Variants in COL8A1 observed in about 807,000 individuals in gnomAD.
COL8A1 encodes collagen type VIII alpha 1 chain.
Under a neutral mutation model 42.7 loss-of-function variants are expected in COL8A1, and 21 were observed. The ratio of observed to expected loss-of-function variants is 0.49; its 90% CI spans 0.35 to 0.71. COL8A1 has a LOEUF of 0.71. COL8A1 is among the 30% of genes least tolerant of loss of function. The probability of loss-of-function intolerance (pLI) is 0.01; values close to 1 mark genes in which losing one functional copy is unlikely to be tolerated. For synonymous variants in COL8A1, 367 were observed against 369.1 expected (o/e 0.99, Z 0.06); for missense variants, 788 against 962.4 (o/e 0.82, Z 2.40).
In COL8A1 at chr3:99,794,536, G is replaced by T; in HGVS notation, c.635G>T (p.Gly212Val). Residue 212 changes from glycine to valine, a missense_variant, in exon 4 of 4, where the codon GGG becomes GTG. Physicochemically the swap from Gly to Val is moderately radical, Grantham distance 109. Transcript: ENST00000652472. This position sits in a 1 kb window ranked among gnomAD's most constrained non-coding sequence, Gnocchi z 4.3. ...CTTCCTGGCATTGGGAAGCCAGGTG[G>T]GCCAGGGTTACCAGGGCAACCAGGA... ...HGLPGIGKPGGPGLPGQPGPK... is the reference protein window; with the variant it reads ...HGLPGIGKPGVPGLPGQPGPK... 6.2e-7 allele frequency: 1 copy of T among 1,614,012 alleles called. No homozygotes were observed. Among genetic ancestry groups the T allele is most frequent in the Non-Finnish European group, 8.5e-7 (1 of 1,179,964 alleles).
intron 2 of COL8A1, among the ~76,000 whole-genome samples, chr3:99,781,377 G>A (rs1406229968): frequency 2.0e-5 from 3 of 152,058 alleles, no homozygotes; most frequent in African/African-American, 7.2e-5. Flanking sequence ...AAGTGCTATT[G>A]ATATGATTTA....
rs542434140 is a variant in COL8A1, at chr3:99,794,308, G to A, written c.407G>A (p.Gly136Asp). 1 of 1,613,756 alleles carries A rather than the reference G, an allele frequency of 6.2e-7. No homozygotes were observed. The highest frequency in any genetic ancestry group is 2.2e-5 in the East Asian group (1 of 44,852). The change falls in exon 4 of 4, where the codon GGT becomes GAT. Residue 136 changes from glycine to aspartate, a missense_variant. Physicochemically the swap from Gly to Asp is moderately conservative, Grantham distance 94. This residue lies in a region of COL8A1 where 421 missense variants were observed against 553.1 expected (regional missense o/e 0.76). Transcript: ENST00000652472. This position sits in a 1 kb window ranked among gnomAD's most constrained non-coding sequence, Gnocchi z 4.3. ...CCAAGAGGACCACCTGGGCCCCCTG[G>A]TTTGCCAGGTCATGGGATACCTGGA... is the stretch of plus-strand genomic sequence containing the variant. ...PGPRGPPGPP[G>D]LPGHGIPGIK...
At chr3:99,734,758 G>A (rs1029868815) in intron 1 of COL8A1, among the ~76,000 whole-genome samples, 17 of 151,930 alleles carry the variant, frequency 1.1e-4, no homozygotes, top group African/African-American at 3.4e-4. Context: ...CCATTTTCAC[G>A]ATATTGATTC....
intron 1 of COL8A1, among the ~76,000 whole-genome samples, chr3:99,669,123 T>TTATATATATATATATATATA (rs775831851): frequency 1.4e-4 from 14 of 96,584 alleles, no homozygotes; most frequent in East Asian, 3.3e-4. Flanking sequence ...CTTAAAAAAA[T>TTATATATATATATATATATA]TATATATATA....
At chr3:99,700,025 C>G (rs1004822227) in intron 1 of COL8A1, among the ~76,000 whole-genome samples, 10 of 152,168 alleles carry the variant, frequency 6.6e-5, no homozygotes, top group African/African-American at 2.4e-4. Context: ...CATGAGTCAT[C>G]TAGGGATGTC....
At chr3:99,706,570 G>A (rs1319064479) in intron 1 of COL8A1, among the ~76,000 whole-genome samples, 3 of 152,276 alleles carry the variant, frequency 2.0e-5, no homozygotes, top group East Asian at 3.9e-4. Flanking sequence ...ACCTTGTGTT[G>A]TTACCAAATG....
At chr3:99,678,090 C>T (rs959227512) in intron 1 of COL8A1, 15 of 152,194 alleles carry the variant, frequency 9.9e-5, no homozygotes, top group Admixed American at 2.0e-4. Flanking sequence ...TGGCTCCACC[C>T]TTAGGTCAAA....
intron 1 of COL8A1, among the ~76,000 whole-genome samples, chr3:99,715,599 T>C (rs1444518713): frequency 2.0e-5 from 3 of 152,080 alleles, no homozygotes; most frequent in Non-Finnish European, 4.4e-5. Flanking sequence ...CTTGTACCTG[T>C]AATGACAGTT....
At chr3:99,646,580 A>G (rs1252212893) in intron 1 of COL8A1, among the ~76,000 whole-genome samples, 1 of 152,230 alleles carries the variant, frequency 6.6e-6, no homozygotes, top group Non-Finnish European at 1.5e-5. Flanking sequence ...CTAATTTAGT[A>G]CGGTAAATGG....
At chr3:99,671,289 G>T (rs748697542) in intron 1 of COL8A1, among the ~76,000 whole-genome samples, 18 of 151,956 alleles carry the variant, frequency 1.2e-4, no homozygotes, top group Non-Finnish European at 2.5e-4. Context: ...ATTTTTTAAT[G>T]TCTTTGATGA....
chr3:99,649,085 T>C (rs772015768), intron 1 of COL8A1, among the ~76,000 whole-genome samples: 5 of 152,040 alleles, frequency 3.3e-5, no homozygotes, highest in Non-Finnish European at 7.4e-5. Context: ...TCTCACTTAA[T>C]CTACTAGATT....
chr3:99,653,553 GTA>G (rs1937918734), intron 1 of COL8A1, among the ~76,000 whole-genome samples: 3 of 151,856 alleles, frequency 2.0e-5, no homozygotes, highest in Admixed American at 1.3e-4. Flanking sequence ...TCAATGCACA[GTA>G]TATATAGAGT....
chr3:99,665,090 A>C (rs988069991), intron 1 of COL8A1, among the ~76,000 whole-genome samples: 4 of 152,164 alleles, frequency 2.6e-5, no homozygotes, highest in Non-Finnish European at 5.9e-5. Context: ...GAGCTTCTCC[A>C]TGCTCCCTCA....
intron 1 of COL8A1, among the ~76,000 whole-genome samples, chr3:99,738,357 T>C (rs560358844): frequency 7.9e-5 from 12 of 152,370 alleles, no homozygotes; most frequent in Admixed American, 2.0e-4. Flanking sequence ...TTTGTGGTTT[T>C]ATCTGCTTTT....
chr3:99,791,816 T>G (rs763634082), intron 3 of COL8A1, among the ~76,000 whole-genome samples: 1 of 152,348 alleles, frequency 6.6e-6, no homozygotes, highest in South Asian at 2.1e-4. Flanking sequence ...GAGGCCTAGA[T>G]GCCTGGATGC....
rs771961401 is a variant in COL8A1 at position 99,790,932 on chromosome 3, C to T, written c.250C>T (p.Pro84Ser). ...CCACTTGCAGTATGGCAAAGAGTATCCACACCTACCCCAATATATGAAGGA... is the reference window on the plus strand; with the variant it reads ...CCACTTGCAGTATGGCAAAGAGTATTCACACCTACCCCAATATATGAAGGA... Reference protein sequence around the residue: ...MPHLQYGKEYPHLPQYMKEIQ... With the variant: ...MPHLQYGKEYSHLPQYMKEIQ... Residue 84 changes from proline (P) to serine (S), a missense_variant, in exon 3 of 4, where the codon CCA becomes TCA. Around this residue, in one of 4 missense-constraint regions of COL8A1, gnomAD observed 421 missense variants for 553.1 expected, o/e 0.76. Coordinates refer to ENST00000652472, the MANE Select transcript of COL8A1 (RefSeq NM_020351.4). 1 of 1,614,210 alleles carries T rather than the reference C, an allele frequency of 6.2e-7. No homozygotes were observed. Among genetic ancestry groups the T allele is most frequent in the Non-Finnish European group, 8.5e-7 (1 of 1,180,004 alleles).
chr3:99,735,749 T>C (rs1214583411), intron 1 of COL8A1, among the ~76,000 whole-genome samples: 1 of 152,034 alleles, frequency 6.6e-6, no homozygotes, highest in African/African-American at 2.4e-5. Context: ...CTTGTACCTC[T>C]GGTAGAATTC....
chr3:99,741,804 T>C (rs1940907476), intron 1 of COL8A1, among the ~76,000 whole-genome samples: 1 of 152,200 alleles, frequency 6.6e-6, no homozygotes, highest in African/African-American at 2.4e-5. Flanking sequence ...AGAAGTTACA[T>C]AATGCCTGCT....
At chr3:99,780,029 G>A (rs1246308335) in intron 2 of COL8A1, among the ~76,000 whole-genome samples, 5 of 152,098 alleles carry the variant, frequency 3.3e-5, no homozygotes, top group Non-Finnish European at 4.4e-5. Flanking sequence ...AAAGTGTCAC[G>A]GAACGTGTGC....
Sources: allele counts gnomAD v4.1 joint callset (sites outside exome capture counted in the v4.1 genomes callset), GRCh38; gene constraint gnomAD v4.1.1; regional missense constraint gnomAD v4.1.1; non-coding constraint Gnocchi (gnomAD v3.1); transcripts MANE v1.5; gene names NCBI Gene and HGNC (gene_info 2026-07-23, HGNC 2026-07-21).